The following POC1A variants were observed in gnomAD, a reference collection of about 807,000 sequenced individuals.
POC1A encodes the protein POC1 centriolar protein homolog A.
Under a neutral mutation model 47.8 loss-of-function variants are expected in POC1A, and 34 were observed. The observed-to-expected ratio is 0.71, with a 90% CI of 0.54 to 0.95. The LOEUF (loss-of-function observed/expected upper bound fraction) is 0.95, where lower values mean the gene tolerates loss of function less well. POC1A is among the 40% of genes least tolerant of loss of function. The probability of loss-of-function intolerance (pLI) is 0.00; values close to 1 mark genes in which losing one functional copy is unlikely to be tolerated. For synonymous variants in POC1A, 177 were observed against 207.6 expected (o/e 0.85, Z 1.27); for missense variants, 466 against 528.3 (o/e 0.88, Z 1.16).
At chr3:52,078,129 C>T (rs1241013809) in intron 10 of POC1A, among the ~76,000 whole-genome samples, 2 of 152,168 alleles carry the variant, frequency 1.3e-5, no homozygotes, top group African/African-American at 4.8e-5. Flanking sequence ...GTTTCTCCCC[C>T]TCCAGCCTAG....
chr3:52,096,736 C>T, intron 9 of POC1A, 24 bp from the exon 10 acceptor site: 2 of 1,559,482 alleles, frequency 1.3e-6, no homozygotes, highest in East Asian at 4.6e-5. Context: ...GAAAAAAGTT[C>T]CTCAGTCTAT....
chr3:52,139,333 A>T (rs1222069082), intron 6 of POC1A, among the ~76,000 whole-genome samples: 2 of 151,922 alleles, frequency 1.3e-5, no homozygotes, highest in Non-Finnish European at 2.9e-5. Context: ...CACCCACTCA[A>T]CAGCTTGGCC....
chr3:52,142,270 C>T (rs969325784), intron 6 of POC1A, among the ~76,000 whole-genome samples: 2 of 152,240 alleles, frequency 1.3e-5, no homozygotes, highest in Non-Finnish European at 2.9e-5. Flanking sequence ...ACAGTCTTAA[C>T]GTGGGCTCAG....
At position 52,123,482 on chromosome 3, in the gene POC1A, C is replaced by T. The variant is rs181845482; in HGVS notation, c.883-1005G>A. On this transcript the variant is annotated intron_variant, in intron 8 of 10. Transcript: ENST00000296484. ...CACTCCATATGCCCTGGACACCATC[C>T]CTGTCTGTCAGGACGCAGCTGTGAG... Among the ~76,000 whole-genome samples, 103 of 152,294 alleles carry T rather than the reference C, an allele frequency of 6.8e-4. No homozygotes were observed. The East Asian group carries it at 0.019, about 28-fold the overall frequency.
intron 7 of POC1A, among the ~76,000 whole-genome samples, chr3:52,128,331 A>T (rs528948179): frequency 5.3e-5 from 8 of 152,236 alleles, no homozygotes; most frequent in Non-Finnish European, 1.0e-4. Context: ...TCAGCTCAGC[A>T]GGGGTCAGGA....
intron 10 of POC1A, among the ~76,000 whole-genome samples, chr3:52,085,526 C>T (rs771040140): frequency 5.9e-5 from 9 of 152,336 alleles, no homozygotes; most frequent in East Asian, 1.9e-4. Flanking sequence ...TGCCCAACCC[C>T]GCCCACCTGA....
At chr3:52,144,504 G>C (rs1018337129) in intron 6 of POC1A, among the ~76,000 whole-genome samples, 2 of 152,166 alleles carry the variant, frequency 1.3e-5, no homozygotes, top group Non-Finnish European at 2.9e-5. Context: ...TAACCAACCA[G>C]GTTGGCCTCA....
intron 9 of POC1A, among the ~76,000 whole-genome samples, chr3:52,119,951 G>C (rs1703710803): frequency 6.6e-6 from 1 of 152,126 alleles, no homozygotes; most frequent in Non-Finnish European, 1.5e-5. Flanking sequence ...AGACATGGCT[G>C]CAGTGCTCCT....
intron 10 of POC1A, among the ~76,000 whole-genome samples, chr3:52,095,738 G>A (rs1445229729): frequency 6.6e-6 from 1 of 152,210 alleles, no homozygotes; most frequent in Admixed American, 6.5e-5. Context: ...GCCACCTGGA[G>A]CTTCACTCAT....
chr3:52,100,101 C>A, intron 9 of POC1A, among the ~76,000 whole-genome samples: 1 of 152,326 alleles, frequency 6.6e-6, no homozygotes, highest in South Asian at 2.1e-4. Flanking sequence ...GTGTTGCCCA[C>A]CTCAGTTCCT....
At chr3:52,146,142 G>A (rs1698357030) in intron 5 of POC1A, among the ~76,000 whole-genome samples, 181 bp from the exon 6 acceptor site, 1 of 152,250 alleles carries the variant, frequency 6.6e-6, no homozygotes, top group African/African-American at 2.4e-5. Flanking sequence ...GAAGTAAAAG[G>A]TGAGAACAGT....
chr3:52,087,482 G>A (rs951623577), intron 10 of POC1A, among the ~76,000 whole-genome samples: 3 of 152,086 alleles, frequency 2.0e-5, no homozygotes, highest in East Asian at 1.9e-4. Flanking sequence ...CCTATGGTCC[G>A]CGGTTGTTTC....
chr3:52,138,520 A>G (rs1698064597), intron 6 of POC1A, among the ~76,000 whole-genome samples: 1 of 152,232 alleles, frequency 6.6e-6, no homozygotes, highest in Non-Finnish European at 1.5e-5. Context: ...AGCCAAGGGC[A>G]GGCAGTGGAA....
chr3:52,146,006 G>A (rs1013356045), intron 5 of POC1A, 45 bp from the exon 6 acceptor site: 1 of 1,182,120 alleles, frequency 8.5e-7, no homozygotes, highest in Non-Finnish European at 1.3e-6. Context: ...GTCTGCCCTG[G>A]TTCAGGACGG....
At chr3:52,123,338 G>A (rs778957778) in intron 8 of POC1A, among the ~76,000 whole-genome samples, 2 of 152,224 alleles carry the variant, frequency 1.3e-5, no homozygotes, top group African/African-American at 4.8e-5. Flanking sequence ...CATGCATGAC[G>A]GTGTGCTTCC....
intron 9 of POC1A, among the ~76,000 whole-genome samples, chr3:52,121,348 C>A (rs1427735505): frequency 6.6e-6 from 1 of 152,190 alleles, no homozygotes; most frequent in Non-Finnish European, 1.5e-5. Context: ...CATCCCCCAA[C>A]AAACCCAAAA....
chr3:52,129,972 T>C (rs1704148270), intron 7 of POC1A, among the ~76,000 whole-genome samples: 1 of 152,160 alleles, frequency 6.6e-6, no homozygotes, highest in Non-Finnish European at 1.5e-5. Flanking sequence ...TGATTAGATT[T>C]CACAGTCGTG....
Position 52,122,464 on chromosome 3 carries a change from T to C in POC1A, c.896A>G (p.Lys299Arg), listed in dbSNP as rs1703817898. Reference sequence around the variant, plus strand: ...ATGATCAACAATATCAAAGTTACTCTTCCAAACCATCACCTGCCAAAACCA... The same window carrying C: ...ATGATCAACAATATCAAAGTTACTCCTCCAAACCATCACCTGCCAAAACCA... ...GGSDEQVMVWKSNFDIVDHGE... is the reference protein window; with the variant it reads ...GGSDEQVMVWRSNFDIVDHGE... The change falls in exon 9 of 11, where the codon AAG (lysine) becomes AGG (arginine). Residue 299 changes from lysine to arginine, a missense_variant. Coordinates refer to ENST00000296484, the MANE Select transcript of POC1A (RefSeq NM_015426.5). 1 of 1,609,730 alleles carries C rather than the reference T, an allele frequency of 6.2e-7. No individual in the cohort carries two copies. Among genetic ancestry groups the C allele is most frequent in the African/African-American group, 1.3e-5 (1 of 74,934 alleles).
At chr3:52,083,781 G>A (rs544528365) in intron 10 of POC1A, among the ~76,000 whole-genome samples, 3 of 152,308 alleles carry the variant, frequency 2.0e-5, no homozygotes, top group East Asian at 1.9e-4. Context: ...AGGGCTGCCC[G>A]GCCTGGGAAG....
Sources: gnomAD v4.1 joint callset for allele counts (sites outside exome capture counted in the v4.1 genomes callset) on GRCh38, gnomAD v4.1.1 for gene constraint, MANE v1.5 for transcripts, NCBI Gene and HGNC (gene_info 2026-07-23, HGNC 2026-07-21) for gene names.